SMOC2: variants seen among roughly 807,000 people sequenced by gnomAD.
SMOC2 encodes the protein SPARC-related modular calcium-binding protein 2.
SMOC2 carries 39 observed loss-of-function variants against 61.4 expected under a neutral mutation model. That is an observed-to-expected ratio of 0.64 (90% CI 0.49 to 0.83). The LOEUF is 0.83. SMOC2 is among the 40% of genes least tolerant of loss of function. The pLI is 0.00. For synonymous variants in SMOC2, 247 were observed against 239.9 expected, an observed-to-expected ratio of 1.03 and a Z score of -0.27; for missense variants, 556 against 592.9, an observed-to-expected ratio of 0.94 and a Z score of 0.65.
intron 9 of SMOC2, among the ~76,000 whole-genome samples, chr6:168,644,706 G>A (rs903453368): frequency 1.4e-5 from 2 of 143,434 alleles, no homozygotes; most frequent in Non-Finnish European, 3.0e-5. Context: ...CTGGAGTGCA[G>A]TGGTACGATC....
chr6:168,517,760 A>G lies in SMOC2; in HGVS notation c.256+7674A>G, dbSNP rs573681247. ...CTTTTCCTCAGCTGGGGCTGGGCAG[A>G]CTCTGACGGGTGAGGCGCTGGCAGC... On this transcript the variant is annotated intron_variant, in intron 2 of 12. Coordinates refer to ENST00000356284, the MANE Select transcript of SMOC2 (RefSeq NM_001166412.2). 1.8e-3 allele frequency among the ~76,000 whole-genome samples: 266 copies of G among 151,934 alleles called. 2 individuals are homozygous for G. The highest frequency in any genetic ancestry group is 6.2e-3 in the African/African-American group (256 of 41,446).
rs185261988 is a variant in SMOC2, at chr6:168,562,568, T to C, written c.637+13365T>C. On this transcript the variant is annotated intron_variant, in intron 7 of 12. Transcript: ENST00000356284. ...AGGAGGTACTGTTTTCCTCTTTACA[T>C]ATGAAAAAATGCAAACGTTCACCCA... 7.1e-3 allele frequency among the ~76,000 whole-genome samples: 1,082 copies of C among 152,290 alleles called. 7 individuals are homozygous for C. Among genetic ancestry groups the C allele is most frequent in the Admixed American group, 0.017 (255 of 15,294 alleles).
chr6:168,515,466 G>A (rs577103187), intron 2 of SMOC2, among the ~76,000 whole-genome samples: 1 of 152,266 alleles, frequency 6.6e-6, no homozygotes, highest in African/African-American at 2.4e-5. Flanking sequence ...TCCGCTCCAC[G>A]AGTTGCCTCC....
At chr6:168,528,900 C>T (rs1299820016) in intron 4 of SMOC2, among the ~76,000 whole-genome samples, 1 of 152,174 alleles carries the variant, frequency 6.6e-6, no homozygotes, top group Admixed American at 6.5e-5. Context: ...GTGTGTGTCC[C>T]TCTTTGACTT....
intron 9 of SMOC2, among the ~76,000 whole-genome samples, chr6:168,613,617 C>A (rs1350329888): frequency 6.7e-6 from 1 of 148,426 alleles, no homozygotes; most frequent in Non-Finnish European, 1.5e-5. Context: ...ACATCTACAG[C>A]CAGCACAGGG....
At chr6:168,500,259 C>A (rs1320847707) in intron 1 of SMOC2, among the ~76,000 whole-genome samples, 4 of 140,896 alleles carry the variant, frequency 2.8e-5, no homozygotes, top group Non-Finnish European at 6.0e-5. Context: ...TGCACTCCAG[C>A]CCGGATGACA....
intron 1 of SMOC2, among the ~76,000 whole-genome samples, chr6:168,476,658 A>G (rs541594811): frequency 6.6e-6 from 1 of 152,208 alleles, no homozygotes. Context: ...ATACATACAT[A>G]TATATTTATA....
At chr6:168,547,266 G>A (rs919573163) in intron 6 of SMOC2, 97 bp downstream of exon 6, 18 of 1,017,508 alleles carry the variant, frequency 1.8e-5, no homozygotes, top group East Asian at 2.4e-5. Context: ...TTAGAGCTCC[G>A]TTCAGTATGG....
intron 9 of SMOC2, among the ~76,000 whole-genome samples, chr6:168,648,206 A>G (rs1787095337): frequency 6.6e-6 from 1 of 152,214 alleles, no homozygotes; most frequent in South Asian, 2.1e-4. Context: ...TCAAATCCAT[A>G]TTCCTCTCAG....
intron 2 of SMOC2, among the ~76,000 whole-genome samples, chr6:168,516,693 A>T (rs1783141839): frequency 6.6e-6 from 1 of 152,144 alleles, no homozygotes; most frequent in South Asian, 2.1e-4. Context: ...CACAAGATGA[A>T]CGCACATGCT....
intron 7 of SMOC2, among the ~76,000 whole-genome samples, chr6:168,588,303 T>C (rs1368408942): frequency 1.3e-5 from 2 of 151,954 alleles, no homozygotes; most frequent in Non-Finnish European, 2.9e-5. Flanking sequence ...TTTGTATTTT[T>C]AGTAGAGACA....
intron 11 of SMOC2, 150 bp downstream of exon 11, chr6:168,653,378 A>G: frequency 1.1e-6 from 1 of 943,228 alleles, no homozygotes; most frequent in South Asian, 1.8e-5. Flanking sequence ...GTCTGTTTGC[A>G]GAAATAATAA....
chr6:168,554,571 G>A (rs1194036539), intron 7 of SMOC2, among the ~76,000 whole-genome samples: 2 of 152,242 alleles, frequency 1.3e-5, no homozygotes, highest in African/African-American at 4.8e-5. Flanking sequence ...GCCTGCACAG[G>A]CCGTTCTGGG....
In SMOC2 at chr6:168,453,767, GTC is replaced by G. The variant is rs1198316136; in HGVS notation, c.84+12319_84+12320del. Among the ~76,000 whole-genome samples the G allele has an allele frequency of 3.3e-5, 5 of 151,248 alleles. No individual in the cohort carries two copies. The East Asian group carries it at 9.8e-4, about 30-fold the overall frequency. On this transcript the variant is annotated intron_variant, in intron 1 of 12. Coordinates refer to ENST00000356284, the MANE Select transcript of SMOC2 (RefSeq NM_001166412.2). This position sits in a 1 kb window ranked among gnomAD's most constrained non-coding sequence, Gnocchi z 4.4. ...TGTCTCTCTGTCTCCCTCTTTCTCT[GTC>G]TCTCTGATTCTATCTCTTGGTCTCT...
intron 5 of SMOC2, among the ~76,000 whole-genome samples, chr6:168,546,914 A>AT (rs1461901683): frequency 2.0e-5 from 3 of 152,206 alleles, no homozygotes. Context: ...AGCCTCGAGC[A>AT]TTTTAAGTAG....
chr6:168,464,967 C>T (rs1345292844), intron 1 of SMOC2, among the ~76,000 whole-genome samples: 1 of 152,210 alleles, frequency 6.6e-6, no homozygotes, highest in Non-Finnish European at 1.5e-5. Context: ...GTCTGAGAAG[C>T]TCCGGAGGCT....
chr6:168,515,028 C>T (rs922942275), intron 2 of SMOC2, among the ~76,000 whole-genome samples: 2 of 152,172 alleles, frequency 1.3e-5, no homozygotes, highest in Admixed American at 6.5e-5. Context: ...ACAGGGAGAA[C>T]AAATGTCAAT....
chr6:168,563,649 G>A (rs116802495), intron 7 of SMOC2, among the ~76,000 whole-genome samples: 1 of 152,162 alleles, frequency 6.6e-6, no homozygotes, highest in African/African-American at 2.4e-5. Context: ...ATGAAAAGAG[G>A]CCCAGGAGAC....
chr6:168,519,634 C>T (rs570656236), intron 2 of SMOC2, among the ~76,000 whole-genome samples: 4 of 152,244 alleles, frequency 2.6e-5, no homozygotes, highest in African/African-American at 9.6e-5. Flanking sequence ...TTAGTGGCAC[C>T]ACCAAACCCA....
Sources: allele counts gnomAD v4.1 joint callset (sites outside exome capture counted in the v4.1 genomes callset), GRCh38; gene constraint gnomAD v4.1.1; non-coding constraint Gnocchi (gnomAD v3.1); transcripts MANE v1.5; gene names NCBI Gene and HGNC (gene_info 2026-07-23, HGNC 2026-07-21).